The following RNF38 variants were observed in gnomAD, a reference collection of about 807,000 sequenced individuals.
The protein encoded by RNF38 is ring finger protein 38.
RNF38 carries 15 observed loss-of-function variants against 67.2 expected under a neutral mutation model. That is an observed-to-expected ratio of 0.22 (90% CI 0.15 to 0.34). The LOEUF (loss-of-function observed/expected upper bound fraction) is 0.34. Among genes scored for constraint, RNF38 ranks in the 10% least tolerant of loss-of-function variants. The probability of loss-of-function intolerance (pLI) is 1.00; values close to 1 mark genes in which losing one functional copy is unlikely to be tolerated. For synonymous variants in RNF38, 220 were observed against 218.8 expected (o/e 1.01, Z -0.05); for missense variants, 524 against 639.9 (o/e 0.82, Z 1.95).
chr9:36,476,613 T>C (rs1000813046), intron 1 of RNF38, among the ~76,000 whole-genome samples: 2 of 144,416 alleles, frequency 1.4e-5, no homozygotes, highest in East Asian at 4.3e-4. Flanking sequence ...AACCTCCGCC[T>C]CCTGGGTTCC....
chr9:36,402,379 C>T (rs994449124), upstream of RNF38, among the ~76,000 whole-genome samples: 2 of 151,996 alleles, frequency 1.3e-5, no homozygotes, highest in African/African-American at 4.8e-5. Context: ...AAAGTGCCAA[C>T]CATACCTTTA....
rs1283308430 is a variant in RNF38 at position 36,342,313 on chromosome 9, T to A, written c.1485+12A>T. The A allele has an allele frequency of 3.8e-5, 59 of 1,559,618 alleles. No individual in the cohort carries two copies. Among genetic ancestry groups the A allele is most frequent in the Non-Finnish European group, 5.0e-5 (57 of 1,130,406 alleles). ...TTCAATGTCATTTCCTTTAAAGATG[T>A]CATCACTTTACCTTAAGCCATTTGT... On this transcript the variant is annotated intron_variant, in intron 11 of 11. Transcript: ENST00000259605.
chr9:36,475,524 A>G (rs902488582), intron 1 of RNF38, among the ~76,000 whole-genome samples: 2 of 151,332 alleles, frequency 1.3e-5, no homozygotes, highest in Non-Finnish European at 2.9e-5. Context: ...CACCTGGCTA[A>G]GTTTTTGTAT....
intron 1 of RNF38, among the ~76,000 whole-genome samples, chr9:36,464,248 T>C (rs1257759800): frequency 6.6e-6 from 1 of 151,572 alleles, no homozygotes; most frequent in East Asian, 1.9e-4. Flanking sequence ...ATTATGTAGA[T>C]GAAATGCAAG....
chr9:36,342,021 T>C (rs113809002), intron 11 of RNF38, among the ~76,000 whole-genome samples: 9 of 152,170 alleles, frequency 5.9e-5, no homozygotes, highest in African/African-American at 1.9e-4. Flanking sequence ...AATAGAGCTA[T>C]AATTAGGTAG....
At chr9:36,477,903 G>C (rs1450250955) in intron 1 of RNF38, among the ~76,000 whole-genome samples, 1 of 151,872 alleles carries the variant, frequency 6.6e-6, no homozygotes, top group Non-Finnish European at 1.5e-5. Flanking sequence ...TGAGGTGGAA[G>C]GACTGCTTGA....
At chr9:36,376,968 T>C (rs2133864717) in intron 2 of RNF38, among the ~76,000 whole-genome samples, 1 of 151,302 alleles carries the variant, frequency 6.6e-6, no homozygotes, top group East Asian at 1.9e-4. Context: ...TAAAATAAGA[T>C]TTATGTTAGA....
In RNF38 at chr9:36,336,603, T is replaced by C. The variant is rs1224348521; in HGVS notation, c.*3149A>G. On this transcript the variant is annotated 3_prime_UTR_variant, in exon 12 of 12. Transcript: ENST00000259605. ...TTTATAATACATACATTTAAAACTA[T>C]ATGTTAACTGATACAATGGAATATG... 6.6e-6 allele frequency: 1 copy of C among 152,644 alleles called. No individual in the cohort carries two copies. The highest frequency in any genetic ancestry group is 1.5e-5 in the Non-Finnish European group (1 of 68,044). The allele number at this position is 152,644 out of a possible 1,614,324, so 9.5% of individuals were successfully genotyped here.
chr9:36,449,608 T>C (rs1192805859), intron 1 of RNF38, among the ~76,000 whole-genome samples: 1 of 152,184 alleles, frequency 6.6e-6, no homozygotes, highest in Non-Finnish European at 1.5e-5. Flanking sequence ...GCTAATTTTT[T>C]GTATTTTTAA....
chr9:36,439,706 G>A (rs529344816), intron 1 of RNF38, among the ~76,000 whole-genome samples: 1 of 149,042 alleles, frequency 6.7e-6, no homozygotes, highest in Non-Finnish European at 1.5e-5. Flanking sequence ...TAGAGAAATC[G>A]CTTGAACCTG....
chr9:36,372,643 G>T, intron 3 of RNF38: 1 of 612,402 alleles, frequency 1.6e-6, no homozygotes, highest in Non-Finnish European at 3.0e-6. Flanking sequence ...ACACACTGCT[G>T]AAAAAAACAC....
chr9:36,367,578 TC>T (rs2133748453), intron 4 of RNF38, among the ~76,000 whole-genome samples: 1 of 148,466 alleles, frequency 6.7e-6, no homozygotes, highest in South Asian at 2.1e-4. Context: ...TATTCTTTTT[TC>T]TTTTTTTTAA....
intron 9 of RNF38, among the ~76,000 whole-genome samples, chr9:36,346,972 TAGAC>T (rs552935455): frequency 7.9e-5 from 12 of 151,664 alleles, no homozygotes; most frequent in Non-Finnish European, 1.6e-4. Context: ...ACAAAAAAAT[TAGAC>T]AGGCATGGTG....
intron 6 of RNF38, 84 bp from the exon 7 acceptor site, chr9:36,353,415 C>G: frequency 3.9e-6 from 4 of 1,012,764 alleles, no homozygotes; most frequent in Non-Finnish European, 5.3e-6. Flanking sequence ...ATAATAATCA[C>G]AAATTTAAAA....
At chr9:36,349,614 C>A (rs1213927138) in intron 9 of RNF38, among the ~76,000 whole-genome samples, 1 of 152,098 alleles carries the variant, frequency 6.6e-6, no homozygotes, top group African/African-American at 2.4e-5. Flanking sequence ...GGTACAGAAG[C>A]CTTTTAGTTC....
At chr9:36,469,449 C>T (rs1249328983) in intron 1 of RNF38, among the ~76,000 whole-genome samples, 6 of 151,902 alleles carry the variant, frequency 3.9e-5, no homozygotes, top group Non-Finnish European at 2.9e-5. Flanking sequence ...CACCTGAGGT[C>T]GGGAGTTTGA....
chr9:36,424,930 T>TC (rs1374965381), intron 1 of RNF38, among the ~76,000 whole-genome samples: 2 of 152,034 alleles, frequency 1.3e-5, no homozygotes, highest in African/African-American at 4.8e-5. Context: ...AACTGCTAAT[T>TC]CCCCCTCTTT....
chr9:36,340,146 A>AT (rs1433985645), intron 11 of RNF38, among the ~76,000 whole-genome samples: 1 of 152,016 alleles, frequency 6.6e-6, no homozygotes, highest in Non-Finnish European at 1.5e-5. Context: ...TGCCTGGCTA[A>AT]TTTTTGTATT....
At chr9:36,455,534 G>A (rs1264132992) in intron 1 of RNF38, among the ~76,000 whole-genome samples, 1 of 151,626 alleles carries the variant, frequency 6.6e-6, no homozygotes, top group Non-Finnish European at 1.5e-5. Context: ...TATAATCCCA[G>A]CACTTTGGGA....
Sources: gnomAD v4.1 joint callset for allele counts (sites outside exome capture counted in the v4.1 genomes callset) on GRCh38, gnomAD v4.1.1 for gene constraint, MANE v1.5 for transcripts, NCBI Gene and HGNC (gene_info 2026-07-23, HGNC 2026-07-21) for gene names.